Variants in CCDC171 observed in about 807,000 individuals in gnomAD.
CCDC171 encodes the protein coiled-coil domain containing 171.
In CCDC171, 177 loss-of-function variants were observed where a neutral mutation model predicts 168.2. That is an observed-to-expected ratio of 1.05 (90% CI 0.93 to 1.19). The LOEUF (loss-of-function observed/expected upper bound fraction) is 1.19, where lower values mean the gene tolerates loss of function less well. CCDC171 is among the 50% of genes most tolerant of loss of function. The probability of loss-of-function intolerance (pLI) is 0.00; values close to 1 mark genes in which losing one functional copy is unlikely to be tolerated. For missense variants in CCDC171, 1,991 were observed against 1,539.0 expected, an observed-to-expected ratio of 1.29 and a Z score of -4.91; for synonymous variants, 687 against 540.8, an observed-to-expected ratio of 1.27 and a Z score of -3.75.
chr9:15,631,260 T>C (rs1360218678), intron 7 of CCDC171, among the ~76,000 whole-genome samples: 3 of 151,266 alleles, frequency 2.0e-5, no homozygotes, highest in Non-Finnish European at 4.4e-5. Flanking sequence ...ATCAACAAAA[T>C]TGATAGACAG....
intron 25 of CCDC171, among the ~76,000 whole-genome samples, chr9:15,962,220 C>T (rs1306233820): frequency 2.6e-5 from 4 of 152,156 alleles, no homozygotes; most frequent in African/African-American, 4.8e-5. Flanking sequence ...TTATCTAGCT[C>T]TTTACAAAGG....
intron 25 of CCDC171, among the ~76,000 whole-genome samples, chr9:15,932,697 G>A (rs1221831421): frequency 6.6e-6 from 1 of 151,742 alleles, no homozygotes; most frequent in African/African-American, 2.4e-5. Context: ...CTGATTTTAG[G>A]GGAAAAACGT....
intron 23 of CCDC171, among the ~76,000 whole-genome samples, chr9:15,860,348 A>G (rs933733015): frequency 1.3e-5 from 2 of 151,434 alleles, no homozygotes; most frequent in African/African-American, 2.4e-5. Flanking sequence ...TGAGGTGCCA[A>G]ATTAAATCGT....
chr9:15,787,919 A>G (rs1053039467), intron 21 of CCDC171, among the ~76,000 whole-genome samples: 2 of 152,196 alleles, frequency 1.3e-5, no homozygotes, highest in Admixed American at 1.3e-4. Context: ...ATGTCCTATT[A>G]ATAGATAATG....
intron 21 of CCDC171, among the ~76,000 whole-genome samples, chr9:15,832,655 G>A (rs1325687534): frequency 1.3e-5 from 2 of 152,174 alleles, no homozygotes; most frequent in East Asian, 3.8e-4. Context: ...ACTGGAAGTT[G>A]CTCTGAGTGA....
chr9:15,784,770 C>T (rs1014694877), intron 21 of CCDC171, 76 bp downstream of exon 21: 45 of 1,087,864 alleles, frequency 4.1e-5, no homozygotes, highest in Admixed American at 1.8e-4. Context: ...TATGATATCT[C>T]CTGAATAGGA....
intron 3 of CCDC171, among the ~76,000 whole-genome samples, chr9:15,994,766 T>G (rs58221003): frequency 5.3e-5 from 8 of 152,198 alleles, no homozygotes; most frequent in Admixed American, 4.6e-4. Flanking sequence ...ACCTTGATTC[T>G]GAACTATTTT....
At position 15,591,490 on chromosome 9, in the gene CCDC171, C is replaced by A. The variant is rs747427091; in HGVS notation, c.477C>A (p.Ile159=). 1 of 1,605,504 alleles carries A rather than the reference C, an allele frequency of 6.2e-7. No individual in the cohort carries two copies. Among genetic ancestry groups the A allele is most frequent in the South Asian group, 1.1e-5 (1 of 89,360 alleles). Residue 159 remains isoleucine (I), a synonymous_variant, in exon 5 of 26, where the codon ATC becomes ATA. Coordinates refer to ENST00000380701, the MANE Select transcript of CCDC171 (RefSeq NM_173550.4). ...ATTTGGAGGAAAGAGACAATATGATCCAAAATTGCAATCGAGAATATGATT... is the reference window on the plus strand; with the variant it reads ...ATTTGGAGGAAAGAGACAATATGATACAAAATTGCAATCGAGAATATGATT... ...EHDLEERDNM[I]QNCNREYDLL...
chr9:15,671,587 C>G (rs1468910355), intron 9 of CCDC171, among the ~76,000 whole-genome samples: 1 of 151,318 alleles, frequency 6.6e-6, no homozygotes, highest in African/African-American at 2.4e-5. Context: ...CAATTCCCAC[C>G]TATGAGTGAC....
intron 11 of CCDC171, among the ~76,000 whole-genome samples, chr9:15,700,981 C>G (rs919987483): frequency 1.3e-5 from 2 of 151,994 alleles, no homozygotes; most frequent in African/African-American, 4.8e-5. Context: ...TTGCGTTTCC[C>G]TAATTTATGA....
intron 11 of CCDC171, among the ~76,000 whole-genome samples, chr9:15,719,430 GAGAGAGAGAGAGAGA>G (rs2053317178): frequency 7.2e-6 from 1 of 139,640 alleles, no homozygotes; most frequent in Non-Finnish European, 1.6e-5. Context: ...GAGAGAGAGA[GAGAGAGAGAGAGAGA>G]GAAAGTTTAT....
intron 23 of CCDC171, among the ~76,000 whole-genome samples, chr9:15,872,620 A>G (rs1281645515): frequency 2.6e-5 from 4 of 152,050 alleles, no homozygotes; most frequent in African/African-American, 7.2e-5. Context: ...TGACTTTCAA[A>G]GCTAATAGTA....
intron 9 of CCDC171, among the ~76,000 whole-genome samples, chr9:15,677,935 G>T (rs1444778514): frequency 1.4e-5 from 1 of 69,392 alleles, no homozygotes; most frequent in African/African-American, 5.5e-5. Flanking sequence ...TAAGAGATGT[G>T]GTCTCATTCT....
chr9:16,070,100 C>T, the CCDC171 span, among the ~76,000 whole-genome samples: 6 of 152,206 alleles, frequency 3.9e-5, no homozygotes, highest in East Asian at 1.9e-4. Flanking sequence ...TGCTGCGAGC[C>T]GTGTAGCTTT....
chr9:16,013,094 A>G (rs1224447568), intron 3 of CCDC171, among the ~76,000 whole-genome samples: 1 of 152,140 alleles, frequency 6.6e-6, no homozygotes, highest in Non-Finnish European at 1.5e-5. Flanking sequence ...CTCTTCCTTC[A>G]CAAACCTCTT....
rs139410534 is a variant in CCDC171, at chr9:15,857,567, A to G, written c.3468+8620A>G. 4.5e-3 allele frequency among the ~76,000 whole-genome samples: 679 copies of G among 151,776 alleles called. 13 individuals carry two copies. The highest frequency in any genetic ancestry group is 0.015 in the African/African-American group (633 of 41,370). ...CCTCCTAAGTAGCTGGAACTACAGT[A>G]ATACACCACCATGACCGGCTAATTT... On this transcript the variant is annotated intron_variant, in intron 23 of 25. Coordinates refer to ENST00000380701, the MANE Select transcript of CCDC171 (RefSeq NM_173550.4).
At chr9:16,074,231 C>T in the CCDC171 span, among the ~76,000 whole-genome samples, 2 of 152,150 alleles carry the variant, frequency 1.3e-5, no homozygotes, top group Non-Finnish European at 2.9e-5. Context: ...TACTACCATC[C>T]AATTAAGCTG....
chr9:15,669,652 A>T (rs951380088), intron 9 of CCDC171, among the ~76,000 whole-genome samples: 60 of 152,190 alleles, frequency 3.9e-4, no homozygotes, highest in African/African-American at 1.4e-3. Flanking sequence ...GTGACAACTG[A>T]TTGCTGGGCA....
chr9:15,876,027 G>T (rs1163982119), intron 24 of CCDC171: 2 of 151,998 alleles, frequency 1.3e-5, no homozygotes. Flanking sequence ...TTTCAATTCA[G>T]AATCTCACAA....
Sources: allele counts gnomAD v4.1 joint callset (sites outside exome capture counted in the v4.1 genomes callset), GRCh38; gene constraint gnomAD v4.1.1; transcripts MANE v1.5; gene names NCBI Gene and HGNC (gene_info 2026-07-23, HGNC 2026-07-21).